Variants in WNT3A observed in about 807,000 individuals in gnomAD.
WNT3A encodes Wnt family member 3A, also known as protein Wnt-3a.
WNT3A carries 17 observed loss-of-function variants against 37.0 expected under a neutral mutation model. The observed-to-expected ratio is 0.46, with a 90% CI of 0.31 to 0.69. The LOEUF (loss-of-function observed/expected upper bound fraction) is 0.69. WNT3A is among the 30% of genes least tolerant of loss of function. WNT3A has a pLI of 0.05. For missense variants in WNT3A, 411 were observed against 510.2 expected (o/e 0.81, Z 1.87); for synonymous variants, 187 against 211.0 (o/e 0.89, Z 0.99).
Position 228,055,671 on chromosome 1 carries a change from G to A in WNT3A, c.580-3315G>A, listed in dbSNP as rs554843590. ...CTCAAGAAAACTGAGTCTTAAGCCA[G>A]TAGAGAAGAAATTTGAGAACCAGTC... On this transcript the variant is annotated intron_variant, in intron 3 of 3. Coordinates refer to ENST00000284523, the MANE Select transcript of WNT3A (RefSeq NM_033131.4). Among the ~76,000 whole-genome samples the A allele has an allele frequency of 2.0e-5, 3 of 152,314 alleles. No homozygotes were observed. The South Asian group carries it at 6.2e-4, about 32-fold the overall frequency.
intron 1 of WNT3A, among the ~76,000 whole-genome samples, chr1:228,014,661 G>C (rs1232068641): frequency 6.6e-6 from 1 of 152,214 alleles, no homozygotes; most frequent in Non-Finnish European, 1.5e-5. Context: ...GTGCCGCCAC[G>C]TAAGATGGGA....
chr1:228,022,602 T>C, intron 1 of WNT3A, 65 bp from the exon 2 acceptor site: 2 of 1,564,504 alleles, frequency 1.3e-6, no homozygotes, highest in South Asian at 2.4e-5. Context: ...GCAAAGGGTC[T>C]GTAGCCTGCT....
chr1:228,040,524 C>A (rs767277965), intron 2 of WNT3A, among the ~76,000 whole-genome samples: 1 of 152,134 alleles, frequency 6.6e-6, no homozygotes, highest in Non-Finnish European at 1.5e-5. Context: ...AACTGAGCAA[C>A]TTTAGTGAAA....
chr1:228,058,779 C>A (rs2031731479), intron 3 of WNT3A, among the ~76,000 whole-genome samples: 1 of 152,246 alleles, frequency 6.6e-6, no homozygotes, highest in South Asian at 2.1e-4. Context: ...CAAGCCCTGA[C>A]CTGGGAAGGC....
chr1:228,016,005 G>A (rs2030521646), intron 1 of WNT3A, among the ~76,000 whole-genome samples: 1 of 152,094 alleles, frequency 6.6e-6, no homozygotes, highest in Non-Finnish European at 1.5e-5. Context: ...CAGTGCTCAG[G>A]GTCTGTCTGT....
rs1049750657 is a variant in WNT3A, at chr1:228,008,623, A to T, written c.71+1424A>T. Among the ~76,000 whole-genome samples the T allele has an allele frequency of 1.3e-5, 2 of 151,918 alleles. No individual in the cohort carries two copies. The highest frequency in any genetic ancestry group is 1.3e-4 in the Admixed American group (2 of 15,266). ...TCGGGGCTCGCCTTGGGGTGCGGGG[A>T]TACTGACGCGCGTCCAGACGGCCGC... is the stretch of plus-strand genomic sequence containing the variant. On this transcript the variant is annotated intron_variant, in intron 1 of 3. Coordinates refer to ENST00000284523, the MANE Select transcript of WNT3A (RefSeq NM_033131.4). The surrounding 1 kb of genome is among the most constrained non-coding windows in gnomAD (Gnocchi z 4.9).
chr1:228,048,972 C>G (rs1384088992), intron 2 of WNT3A, among the ~76,000 whole-genome samples: 12 of 152,226 alleles, frequency 7.9e-5, no homozygotes, highest in Non-Finnish European at 2.9e-5. Context: ...AGCAATGCCA[C>G]TTCCCCAACT....
chr1:228,023,314 G>T (rs2030771313), intron 2 of WNT3A, among the ~76,000 whole-genome samples: 1 of 151,964 alleles, frequency 6.6e-6, no homozygotes, highest in South Asian at 2.1e-4. Flanking sequence ...CAGAGAGAGA[G>T]AAAGATAGAG....
chr1:228,012,730 G>A (rs945738224), intron 1 of WNT3A, among the ~76,000 whole-genome samples: 2 of 152,312 alleles, frequency 1.3e-5, no homozygotes, highest in South Asian at 4.1e-4. Flanking sequence ...GCAGGGGCTG[G>A]GGCAGAGGTT....
Position 228,060,145 on chromosome 1 carries a change from C to T in WNT3A, c.*680C>T. ...GCTCCAATGGGGCGGGGCTTCTCTC[C>T]GCGGGTGGGACTCTTCCCTGGGAAC... On this transcript the variant is annotated 3_prime_UTR_variant, in exon 4 of 4. Coordinates refer to ENST00000284523, the MANE Select transcript of WNT3A (RefSeq NM_033131.4). 1 of 1,345,018 alleles carries T rather than the reference C, an allele frequency of 7.4e-7. No individual in the cohort carries two copies. 83.3% of individuals were successfully genotyped at this position (1,345,018 alleles called of 1,614,324 possible).
intron 2 of WNT3A, among the ~76,000 whole-genome samples, chr1:228,033,166 A>G (rs1489288863): frequency 1.3e-5 from 2 of 152,194 alleles, no homozygotes; most frequent in African/African-American, 2.4e-5. Context: ...GATACATGCA[A>G]GATTTTAATT....
At chr1:228,052,291 A>C (rs1403245995) in intron 3 of WNT3A, among the ~76,000 whole-genome samples, 2 of 151,858 alleles carry the variant, frequency 1.3e-5, no homozygotes, top group Non-Finnish European at 1.5e-5. Context: ...CTATAGGCGC[A>C]TGCCACCACA....
chr1:228,051,026 C>G, intron 3 of WNT3A, 105 bp downstream of exon 3: 1 of 1,376,596 alleles, frequency 7.3e-7, no homozygotes, highest in Non-Finnish European at 9.6e-7. Context: ...GGATGGTGGC[C>G]AGGCTGAGGG....
intron 2 of WNT3A, among the ~76,000 whole-genome samples, chr1:228,046,474 G>A (rs780029503): frequency 1.3e-5 from 2 of 149,134 alleles, no homozygotes; most frequent in Non-Finnish European, 3.0e-5. Context: ...TGCACGAGGC[G>A]TGCATGTGGG....
intron 2 of WNT3A, among the ~76,000 whole-genome samples, chr1:228,047,775 T>C (rs925365311): frequency 2.0e-5 from 3 of 151,982 alleles, no homozygotes; most frequent in Non-Finnish European, 4.4e-5. Context: ...AGGCATGTCA[T>C]GTGGCGAGAG....
intron 2 of WNT3A, among the ~76,000 whole-genome samples, chr1:228,024,581 A>G (rs1014538242): frequency 6.6e-6 from 1 of 152,176 alleles, no homozygotes; most frequent in Non-Finnish European, 1.5e-5. Flanking sequence ...CATCAGATGT[A>G]TGATTGGTGA....
intron 1 of WNT3A, among the ~76,000 whole-genome samples, chr1:228,011,766 C>G (rs1177175319): frequency 1.3e-5 from 2 of 152,246 alleles, no homozygotes; most frequent in Non-Finnish European, 2.9e-5. Flanking sequence ...ACCAGGCCAG[C>G]CCTCCCAGAG....
At position 228,029,748 on chromosome 1, in the gene WNT3A, C is replaced by G. The variant is rs536508366; in HGVS notation, c.313+6840C>G. Among the ~76,000 whole-genome samples, 487 of 151,498 alleles carry G rather than the reference C, an allele frequency of 3.2e-3. 4 individuals are homozygous for G. Among genetic ancestry groups the G allele is most frequent in the African/African-American group, 0.011 (457 of 41,254 alleles). On this transcript the variant is annotated intron_variant, in intron 2 of 3. Coordinates refer to ENST00000284523, the MANE Select transcript of WNT3A (RefSeq NM_033131.4). ...TATGAATGCTTGTGCCCACCCCCCC[C>G]CCAATTCCTACATTGAAATCCTCAC...
At chr1:228,043,193 T>C (rs758152873) in intron 2 of WNT3A, among the ~76,000 whole-genome samples, 1 of 152,268 alleles carries the variant, frequency 6.6e-6, no homozygotes, top group Non-Finnish European at 1.5e-5. Flanking sequence ...AAGATGGTTT[T>C]CCCAGGTGGA....
Sources: gnomAD v4.1 joint callset for allele counts (sites outside exome capture counted in the v4.1 genomes callset) on GRCh38, gnomAD v4.1.1 for gene constraint, Gnocchi (gnomAD v3.1) non-coding constraint, MANE v1.5 for transcripts, NCBI Gene and HGNC (gene_info 2026-07-23, HGNC 2026-07-21) for gene names.